Variants in NEB observed in about 807,000 individuals in gnomAD.
NEB encodes nebulin.
NEB carries 512 observed loss-of-function variants against 952.2 expected under a neutral mutation model. The observed-to-expected ratio is 0.54, with a 90% CI of 0.50 to 0.58. The LOEUF (loss-of-function observed/expected upper bound fraction) is 0.58. Ranked by LOEUF, NEB falls within the 20% of genes least tolerant of loss-of-function variation. NEB has a pLI of 0.00. For synonymous variants in NEB, 2,900 were observed against 3,149.8 expected (o/e 0.92, Z 2.66); for missense variants, 8,428 against 9,231.1 (o/e 0.91, Z 3.56).
At chr2:151,532,440 G>A (rs1289320993) in intron 143 of NEB, among the ~76,000 whole-genome samples, 1 of 152,100 alleles carries the variant, frequency 6.6e-6, no homozygotes, top group African/African-American at 2.4e-5. Context: ...AATAAAGAAT[G>A]AGTATATATG....
At chr2:151,516,706 G>A in intron 156 of NEB, 143 bp from the exon 157 acceptor site, 1 of 660,396 alleles carries the variant, frequency 1.5e-6, no homozygotes, top group East Asian at 2.7e-5. Context: ...TTATGTTTCA[G>A]ATCCAGTACA....
intron 32 of NEB, 143 bp downstream of exon 32, chr2:151,679,578 G>A (rs2148580505): frequency 1.6e-6 from 1 of 619,124 alleles, no homozygotes; most frequent in Non-Finnish European, 2.9e-6. Context: ...TCTATTTAGG[G>A]AACTTTATTT....
Position 151,665,360 on chromosome 2 carries a change from G to C in NEB, c.5211C>G (p.Asn1737Lys), listed in dbSNP as rs1401825452. Residue 1737 changes from asparagine to lysine, a missense_variant, in exon 42 of 182, where the codon AAC becomes AAG. Transcript: ENST00000397345. The stretch of plus-strand genomic sequence containing the variant: ...TGTCCATGTTCAGTTTGTTACTCTT[G>C]TTAAGTGCCTGTTCCATTGTGTCCA... Reference protein sequence around the residue: ...YAMDTMEQALNKSNKLNMDKR... With the variant: ...YAMDTMEQALKKSNKLNMDKR... The C allele has an allele frequency of 1.2e-6, 2 of 1,613,688 alleles. No homozygotes were observed. The highest frequency in any genetic ancestry group is 1.7e-6 in the Non-Finnish European group (2 of 1,179,772).
intron 21 of NEB, 33 bp downstream of exon 21, chr2:151,692,226 CCT>C: frequency 6.2e-7 from 1 of 1,603,800 alleles, no homozygotes; most frequent in Non-Finnish European, 8.5e-7. Flanking sequence ...GTAGGAAAGC[CCT>C]CCTACCCGAA....
chr2:151,713,203 C>T (rs2099749949), intron 10 of NEB, among the ~76,000 whole-genome samples: 2 of 152,150 alleles, frequency 1.3e-5, no homozygotes, highest in South Asian at 4.1e-4. Context: ...CTTTCAACAT[C>T]TGAATCTGTA....
Position 151,639,270 on chromosome 2 carries a change from C to G in NEB, c.8994+10G>C. ...CAGCAGTGTGCAAATGTCAAAGAAT[C>G]TGCTCTCACCTCACTGTAGTTGATT... is the stretch of plus-strand genomic sequence containing the variant. On this transcript the variant is annotated intron_variant, in intron 63 of 181. Transcript: ENST00000397345. 1 of 1,524,232 alleles carries G rather than the reference C, an allele frequency of 6.6e-7. No homozygotes were observed. The highest frequency in any genetic ancestry group is 8.8e-7 in the Non-Finnish European group (1 of 1,133,044). 94.4% of individuals were successfully genotyped at this position (1,524,232 alleles called of 1,614,324 possible). A position where few individuals can be genotyped will look rare whatever the true frequency, so the allele number is the denominator to read the frequency against.
chr2:151,711,809 G>T (rs1178157625), intron 10 of NEB, among the ~76,000 whole-genome samples: 1 of 152,046 alleles, frequency 6.6e-6, no homozygotes, highest in African/African-American at 2.4e-5. Flanking sequence ...AATAATAATA[G>T]TTATTACTAT....
chr2:151,644,730 A>G (rs1196730037), intron 55 of NEB, among the ~76,000 whole-genome samples, 155 bp from the exon 56 acceptor site: 2 of 152,254 alleles, frequency 1.3e-5, no homozygotes, highest in Admixed American at 1.3e-4. Context: ...TTGATTGCTA[A>G]TGATCCTGTT....
chr2:151,614,615 G>C, intron 76 of NEB, 28 bp from the exon 77 acceptor site: 1 of 1,578,776 alleles, frequency 6.3e-7, no homozygotes, highest in East Asian at 2.2e-5. Flanking sequence ...TGAGTATAAT[G>C]ACAAGAACAT....
Position 151,674,539 on chromosome 2 carries a change from T to C in NEB, c.3925A>G (p.Asn1309Asp). ...ATGGGAATAGCATCGCCCAGCACATTGTTGCCCTTGGCTATTAAGTCATAC... is the reference window on the plus strand; with the variant it reads ...ATGGGAATAGCATCGCCCAGCACATCGTTGCCCTTGGCTATTAAGTCATAC... ...DWYDLIAKGN[N>D]VLGDAIPITA... The change falls in exon 36 of 182, where the codon AAT becomes GAT. Residue 1309 changes from asparagine to aspartate, a missense_variant. Transcript: ENST00000397345. 1 of 1,613,936 alleles carries C rather than the reference T, an allele frequency of 6.2e-7. No individual in the cohort carries two copies. The highest frequency in any genetic ancestry group is 1.1e-5 in the South Asian group (1 of 91,058).
At chr2:151,497,487 G>GA in intron 171 of NEB, 139 bp downstream of exon 171, 2 of 1,472,322 alleles carry the variant, frequency 1.4e-6, no homozygotes, top group Non-Finnish European at 8.9e-7. Flanking sequence ...TAGCCCAAAG[G>GA]AAAAAAGGAT....
rs1472841503 is a variant in NEB at position 151,502,791 on chromosome 2, A to C, written c.23928+2T>G. 2.5e-6 allele frequency: 4 copies of C among 1,574,714 alleles called. No homozygotes were observed. Among genetic ancestry groups the C allele is most frequent in the African/African-American group, 1.4e-5 (1 of 73,842 alleles). On this transcript the variant is annotated splice_donor_variant, in intron 167 of 181. Coordinates refer to ENST00000397345, the MANE Select transcript of NEB (RefSeq NM_001164508.2). LOFTEE classifies it high-confidence loss of function. ...TTTTTTTTTTGGCCCCCTAAGAAAT[A>C]CCGAGCTAAAGTTCTCTTGATTGCG...
At position 151,519,751 on chromosome 2, in the gene NEB, A is replaced by G; in HGVS notation, c.22497T>C (p.Asn7499=). 1 of 1,610,338 alleles carries G rather than the reference A, an allele frequency of 6.2e-7. No homozygotes were observed. Among genetic ancestry groups the G allele is most frequent in the Non-Finnish European group, 8.5e-7 (1 of 1,176,954 alleles). ...GTGTCTTGCCCTTTTCTTTATCGAA[A>G]TTTTCTCGGTATTTAACCTAACAGC... is the stretch of plus-strand genomic sequence containing the variant. ...KLSSQVKYRE[N]FDKEKGKTPK... Residue 7499 remains asparagine (N), a synonymous_variant, in exon 154 of 182, where the codon AAT becomes AAC. Transcript: ENST00000397345.
chr2:151,727,551 A>G (rs527929096), intron 5 of NEB, 140 bp downstream of exon 5: 1 of 700,764 alleles, frequency 1.4e-6, no homozygotes, highest in African/African-American at 1.8e-5. Flanking sequence ...AACAGTCACA[A>G]GAGCCTATAA....
intron 65 of NEB, among the ~76,000 whole-genome samples, chr2:151,632,607 C>T (rs891113752): frequency 4.1e-5 from 6 of 146,594 alleles, no homozygotes; most frequent in African/African-American, 1.3e-4. Context: ...ACCCGGGAGG[C>T]GAAGGTTGCA....
intron 170 of NEB, 120 bp downstream of exon 170, chr2:151,498,140 T>TA (rs1447481649): frequency 5.2e-6 from 8 of 1,526,984 alleles, no homozygotes; most frequent in African/African-American, 1.4e-5. Context: ...TATCCTTTTG[T>TA]AATATAAGAT....
At chr2:151,528,158 G>A (rs2087695263) in intron 146 of NEB, among the ~76,000 whole-genome samples, 1 of 152,206 alleles carries the variant, frequency 6.6e-6, no homozygotes, top group African/African-American at 2.4e-5. Flanking sequence ...TCTGGCTGCA[G>A]AGGGGCTTGC....
Position 151,567,452 on chromosome 2 carries a change from G to T in NEB, c.17872C>A (p.Gln5958Lys). ...GGGACACCAACATAATGACCTTTTT[G>T]CTTCACATGTTCAGCTTTGTATTTC... ...ELKYKAEHVK[Q>K]KGHYVGVPTM... is the part of the protein sequence containing the mutation. Residue 5958 changes from glutamine to lysine, a missense_variant, in exon 114 of 182, where the codon CAA becomes AAA. Coordinates refer to ENST00000397345, the MANE Select transcript of NEB (RefSeq NM_001164508.2). The T allele has an allele frequency of 1.2e-6, 2 of 1,612,192 alleles. No homozygotes were observed. Among genetic ancestry groups the T allele is most frequent in the Non-Finnish European group, 1.7e-6 (2 of 1,179,002 alleles).
At chr2:151,510,738 G>C (rs2073568802) in intron 161 of NEB, among the ~76,000 whole-genome samples, 1 of 152,190 alleles carries the variant, frequency 6.6e-6, no homozygotes, top group Non-Finnish European at 1.5e-5. Context: ...GGAAAAACCA[G>C]TATATATAGG....
Sources: gnomAD v4.1 joint callset for allele counts (sites outside exome capture counted in the v4.1 genomes callset) on GRCh38, gnomAD v4.1.1 for gene constraint, MANE v1.5 for transcripts, NCBI Gene and HGNC (gene_info 2026-07-23, HGNC 2026-07-21) for gene names.